Variants in FHIT observed in about 807,000 individuals in gnomAD.
FHIT encodes the protein bis(5'-adenosyl)-triphosphatase.
Under a neutral mutation model 17.9 loss-of-function variants are expected in FHIT, and 19 were observed. The observed-to-expected ratio is 1.06, with a 90% confidence interval of 0.74 to 1.56. The LOEUF (loss-of-function observed/expected upper bound fraction) is 1.56. FHIT is among the 40% of genes most tolerant of loss of function. The pLI is 0.00. For missense variants in FHIT, 248 were observed against 189.2 expected (o/e 1.31, Z -1.82); for synonymous variants, 81 against 69.7 (o/e 1.16, Z -0.81).
At chr3:60,630,415 T>C (rs1301101788) in intron 4 of FHIT, among the ~76,000 whole-genome samples, 1 of 152,068 alleles carries the variant, frequency 6.6e-6, no homozygotes, top group African/African-American at 2.4e-5. Flanking sequence ...TACATGTTTG[T>C]CCTCTTGTTT....
At chr3:60,811,047 T>C (rs1272668917) in intron 4 of FHIT, among the ~76,000 whole-genome samples, 1 of 152,188 alleles carries the variant, frequency 6.6e-6, no homozygotes, top group Non-Finnish European at 1.5e-5. Context: ...AGTTTCCTAA[T>C]TTATGAAACA....
At chr3:60,695,686 G>C (rs1553700488) in intron 4 of FHIT, among the ~76,000 whole-genome samples, 1 of 152,176 alleles carries the variant, frequency 6.6e-6, no homozygotes, top group Non-Finnish European at 1.5e-5. Flanking sequence ...TGCTGCTGCT[G>C]CTAGGGAGAG....
intron 5 of FHIT, among the ~76,000 whole-genome samples, chr3:60,285,730 G>T (rs975847852): frequency 6.6e-6 from 1 of 152,142 alleles, no homozygotes; most frequent in Admixed American, 6.5e-5. Context: ...CTGAGATCTT[G>T]GCTGAGACTG....
At chr3:60,005,847 T>A (rs990431197) in intron 7 of FHIT, among the ~76,000 whole-genome samples, 12 of 152,168 alleles carry the variant, frequency 7.9e-5, no homozygotes, top group Non-Finnish European at 1.0e-4. Context: ...ATTTTCATCC[T>A]CAAGATAAGG....
rs143823298 is a variant in FHIT, at chr3:60,153,869, A to G, written c.104-139717T>C. Among the ~76,000 whole-genome samples the G allele has an allele frequency of 5.9e-5, 9 of 152,268 alleles. No individual in the cohort carries two copies. The East Asian group carries it at 1.7e-3, about 29-fold the overall frequency. ...CAACAGCTATTCACTACACATTCAC[A>G]TTGTGCTAGGTGCTGGGCATACAAT... On this transcript the variant is annotated intron_variant, in intron 5 of 9. Coordinates refer to ENST00000492590, the MANE Select transcript of FHIT (RefSeq NM_002012.4).
At chr3:59,869,392 G>GAA (rs1371876599) in intron 8 of FHIT, among the ~76,000 whole-genome samples, 2 of 149,730 alleles carry the variant, frequency 1.3e-5, no homozygotes, top group Admixed American at 1.3e-4. Flanking sequence ...TCACATTATA[G>GAA]AAAAAAACCA....
At chr3:60,838,557 C>T (rs1178201426) in intron 3 of FHIT, among the ~76,000 whole-genome samples, 3 of 152,050 alleles carry the variant, frequency 2.0e-5, no homozygotes, top group Non-Finnish European at 4.4e-5. Context: ...TTTTTACTTC[C>T]CCTTTATTCC....
intron 5 of FHIT, among the ~76,000 whole-genome samples, chr3:60,323,530 A>C (rs1351113432): frequency 6.6e-6 from 1 of 152,120 alleles, no homozygotes; most frequent in African/African-American, 2.4e-5. Flanking sequence ...TGCAGGCTGG[A>C]AACAAGGCCA....
chr3:60,401,932 C>G (rs1016372982), intron 5 of FHIT, among the ~76,000 whole-genome samples: 2 of 152,108 alleles, frequency 1.3e-5, no homozygotes, highest in African/African-American at 4.8e-5. Flanking sequence ...TTCTCTGAAG[C>G]CTTTCATTTC....
intron 1 of FHIT, among the ~76,000 whole-genome samples, chr3:61,208,154 G>C (rs1230884654): frequency 1.1e-4 from 16 of 152,154 alleles, no homozygotes; most frequent in Admixed American, 8.5e-4. Context: ...CTGAGTTCTA[G>C]TTTGATTGCA....
At position 60,320,610 on chromosome 3, in the gene FHIT, A is replaced by G. The variant is rs1297995355; in HGVS notation, c.103+216250T>C. Among the ~76,000 whole-genome samples, 3 of 152,344 alleles carry G rather than the reference A, an allele frequency of 2.0e-5. No individual in the cohort carries two copies. The South Asian group carries it at 6.2e-4, about 32-fold the overall frequency. On this transcript the variant is annotated intron_variant, in intron 5 of 9. Transcript: ENST00000492590. ...TCTGAATGTCACATTCGAATTGGGT[A>G]GCAATTATCTTCCTGGTATCAATGT...
chr3:59,958,063 A>C (rs1707490420), intron 7 of FHIT, among the ~76,000 whole-genome samples: 1 of 152,218 alleles, frequency 6.6e-6, no homozygotes, highest in African/African-American at 2.4e-5. Flanking sequence ...CAAGAGCAGG[A>C]TCTCAAATTA....
At chr3:61,130,464 A>T (rs1020339436) in intron 2 of FHIT, among the ~76,000 whole-genome samples, 8 of 152,370 alleles carry the variant, frequency 5.3e-5, no homozygotes, top group East Asian at 1.9e-4. Context: ...TAACAGGGTA[A>T]ACATAAAGAA....
intron 5 of FHIT, among the ~76,000 whole-genome samples, chr3:60,053,391 T>C (rs1468799918): frequency 6.7e-6 from 1 of 148,546 alleles, no homozygotes; most frequent in Non-Finnish European, 1.5e-5. Context: ...AAAATGTCTG[T>C]CACATACGAG....
intron 3 of FHIT, among the ~76,000 whole-genome samples, chr3:61,030,017 TG>T (rs1004612727): frequency 1.3e-5 from 2 of 152,230 alleles, no homozygotes; most frequent in Non-Finnish European, 2.9e-5. Context: ...TGGCCCAGGC[TG>T]GGGTGCAGTG....
chr3:60,338,158 T>G (rs1256117578), intron 5 of FHIT, among the ~76,000 whole-genome samples: 1 of 152,184 alleles, frequency 6.6e-6, no homozygotes, highest in African/African-American at 2.4e-5. Flanking sequence ...ATATTCTGCA[T>G]CACTAAGATT....
At chr3:60,151,756 G>T (rs1056787493) in intron 5 of FHIT, among the ~76,000 whole-genome samples, 1 of 151,938 alleles carries the variant, frequency 6.6e-6, no homozygotes, top group Non-Finnish European at 1.5e-5. Context: ...TACTTCCAAG[G>T]TCTCCCTTTT....
chr3:61,177,421 C>T (rs1319205800), intron 2 of FHIT, among the ~76,000 whole-genome samples: 2 of 152,236 alleles, frequency 1.3e-5, no homozygotes, highest in East Asian at 3.9e-4. Flanking sequence ...TATAAAAAAA[C>T]TCCTGATCTT....
At chr3:60,174,705 C>T (rs1701587031) in intron 5 of FHIT, among the ~76,000 whole-genome samples, 1 of 151,768 alleles carries the variant, frequency 6.6e-6, no homozygotes, top group Non-Finnish European at 1.5e-5. Context: ...ATAAACCACT[C>T]AGTGGCATTT....
Sources: allele counts gnomAD v4.1 joint callset (sites outside exome capture counted in the v4.1 genomes callset), GRCh38; gene constraint gnomAD v4.1.1; transcripts MANE v1.5; gene names NCBI Gene and HGNC (gene_info 2026-07-23, HGNC 2026-07-21).